Variants in HMGN5 observed in about 807,000 individuals in gnomAD.
HMGN5 encodes high mobility group nucleosome binding domain 5.
Under a neutral mutation model 9.5 loss-of-function variants are expected in HMGN5, and 4 were observed. The ratio of observed to expected loss-of-function variants is 0.42; its 90% CI spans 0.21 to 0.96. HMGN5 has a LOEUF of 0.96. Ranked by LOEUF, HMGN5 falls within the 40% of genes least tolerant of loss-of-function variation. HMGN5 has a pLI of 0.30. For missense variants in HMGN5, 192 were observed against 187.5 expected, an observed-to-expected ratio of 1.02 and a Z score of -0.14; for synonymous variants, 55 against 57.1, an observed-to-expected ratio of 0.96 and a Z score of 0.16.
At chrX:81,170,336 A>G (rs1267913508) in intron 1 of HMGN5, among the ~76,000 whole-genome samples, 1 of 111,755 alleles carries the variant, frequency 8.9e-6, no homozygotes, top group Non-Finnish European at 1.9e-5. Flanking sequence ...AGCACTACCT[A>G]TTTTTAAAAC....
intron 1 of HMGN5, among the ~76,000 whole-genome samples, chrX:81,183,246 C>T (rs2075467808): frequency 2.7e-5 from 3 of 111,231 alleles, no homozygotes; most frequent in Non-Finnish European, 3.8e-5. Flanking sequence ...CATAAATTTG[C>T]ATAACTAAGA....
At chrX:81,170,375 T>G (rs1010369820) in intron 1 of HMGN5, among the ~76,000 whole-genome samples, 1 of 111,832 alleles carries the variant, frequency 8.9e-6, no homozygotes, top group Non-Finnish European at 1.9e-5. Context: ...GAGAAATTAT[T>G]TGATGATTGT....
At chrX:81,128,162 G>GT (rs1188052414) in intron 1 of HMGN5, among the ~76,000 whole-genome samples, 1 of 110,223 alleles carries the variant, frequency 9.1e-6, no homozygotes, top group Non-Finnish European at 1.9e-5. Context: ...ATTTCTATCC[G>GT]TTTTTTATTC....
intron 1 of HMGN5, among the ~76,000 whole-genome samples, chrX:81,168,403 T>C (rs1602575440): frequency 8.9e-6 from 1 of 111,918 alleles, no homozygotes; most frequent in South Asian, 3.7e-4. Flanking sequence ...GCCCACTTTG[T>C]TTACCTTTTA....
chrX:81,148,352 A>G (rs1352066890), intron 1 of HMGN5, among the ~76,000 whole-genome samples: 1 of 112,192 alleles, frequency 8.9e-6, no homozygotes, highest in Non-Finnish European at 1.9e-5. Context: ...CTGATCTTTG[A>G]CAAACATGAC....
At chrX:81,117,456 G>C (rs181962550) in intron 5 of HMGN5, among the ~76,000 whole-genome samples, 22 of 108,756 alleles carry the variant, frequency 2.0e-4, no homozygotes, top group Non-Finnish European at 3.8e-4. Flanking sequence ...TGTTGCCCAG[G>C]CTGGTCTCAA....
intron 1 of HMGN5, among the ~76,000 whole-genome samples, chrX:81,153,583 C>CTATATATATATA (rs34937225): frequency 1.6e-4 from 1 of 6,143 alleles, no homozygotes; most frequent in Non-Finnish European, 3.1e-4. Context: ...CTCTCTCTCT[C>CTATATATATATA]TATATATATA....
chrX:81,121,523 C>G lies in HMGN5; in HGVS notation c.15+12G>C, dbSNP rs1353841229. The G allele has an allele frequency of 4.2e-6, 5 of 1,201,076 alleles. No individual in the cohort carries two copies. The highest frequency in any genetic ancestry group is 3.5e-5 in the African/African-American group (2 of 56,753). On this transcript the variant is annotated intron_variant, in intron 2 of 6. Coordinates refer to ENST00000358130, the MANE Select transcript of HMGN5 (RefSeq NM_030763.3). ...GCAGCTCATTCCCCGTCTGTCTTTC[C>G]ATTTCACTTACCTTTCTTTTGGGCA...
intron 1 of HMGN5, among the ~76,000 whole-genome samples, chrX:81,149,898 GA>G (rs2075356084): frequency 8.9e-6 from 1 of 111,744 alleles, no homozygotes; most frequent in Non-Finnish European, 1.9e-5. Context: ...GGAGCACCTG[GA>G]TTTATAAAGC....
intron 1 of HMGN5, among the ~76,000 whole-genome samples, chrX:81,139,539 G>A: frequency 9.0e-6 from 1 of 111,247 alleles, no homozygotes; most frequent in East Asian, 2.8e-4. Context: ...CAAAAATCAG[G>A]TGAGCTGTCA....
intron 2 of HMGN5, 32 bp downstream of exon 2, chrX:81,121,503 T>G: frequency 4.2e-6 from 5 of 1,183,369 alleles, no homozygotes; most frequent in Non-Finnish European, 5.7e-6. Flanking sequence ...ACTCAGCAGC[T>G]CATTCCCCGT....
chrX:81,198,755 A>G (rs1004323442), intron 1 of HMGN5, among the ~76,000 whole-genome samples: 4 of 111,749 alleles, frequency 3.6e-5, no homozygotes, highest in Non-Finnish European at 3.8e-5. Flanking sequence ...TTTATGACAA[A>G]CCCACAGCCA....
intron 1 of HMGN5, among the ~76,000 whole-genome samples, chrX:81,141,760 A>G (rs913147608): frequency 4.1e-4 from 46 of 111,862 alleles, no homozygotes; most frequent in African/African-American, 1.5e-3. Context: ...AATGAAGACA[A>G]CAATAAATAC....
At chrX:81,182,745 A>T (rs1479683937) in intron 1 of HMGN5, among the ~76,000 whole-genome samples, 1 of 112,444 alleles carries the variant, frequency 8.9e-6, no homozygotes, top group African/African-American at 3.2e-5. Flanking sequence ...TCATTGCTTT[A>T]TAAATTATCC....
intron 1 of HMGN5, among the ~76,000 whole-genome samples, chrX:81,166,954 G>C (rs1048508647): frequency 9.0e-6 from 1 of 111,185 alleles, no homozygotes; most frequent in African/African-American, 3.3e-5. Flanking sequence ...TATTGTCTCC[G>C]ACAACTTGCT....
chrX:81,198,914 A>G (rs988574356), intron 1 of HMGN5, among the ~76,000 whole-genome samples: 3 of 112,003 alleles, frequency 2.7e-5, no homozygotes, highest in African/African-American at 9.7e-5. Context: ...TGGGTATTCA[A>G]TTAGGAAAAG....
intron 1 of HMGN5, among the ~76,000 whole-genome samples, chrX:81,123,870 G>A: frequency 8.9e-6 from 1 of 112,242 alleles, no homozygotes; most frequent in Non-Finnish European, 1.9e-5. Context: ...ACTTGGCAAA[G>A]GGTTTGATTG....
chrX:81,144,859 G>C (rs1488682549), intron 1 of HMGN5, among the ~76,000 whole-genome samples: 1 of 111,561 alleles, frequency 9.0e-6, no homozygotes, highest in East Asian at 2.8e-4. Flanking sequence ...GCATACAAAA[G>C]TATCAATTGC....
intron 1 of HMGN5, among the ~76,000 whole-genome samples, chrX:81,190,044 G>A (rs2075489600): frequency 8.9e-6 from 1 of 112,118 alleles, no homozygotes; most frequent in African/African-American, 3.2e-5. Flanking sequence ...TGAGGTAGGT[G>A]TTGCTTAAGA....
Sources: allele counts gnomAD v4.1 joint callset (sites outside exome capture counted in the v4.1 genomes callset), GRCh38; gene constraint gnomAD v4.1.1; transcripts MANE v1.5; gene names NCBI Gene and HGNC (gene_info 2026-07-23, HGNC 2026-07-21).